The following PARVG variants were observed in gnomAD, a reference collection of about 807,000 sequenced individuals.
The protein encoded by PARVG is parvin gamma.
Under a neutral mutation model 44.4 loss-of-function variants are expected in PARVG, and 36 were observed. That is an observed-to-expected ratio of 0.81 (90% CI 0.62 to 1.07). The LOEUF (loss-of-function observed/expected upper bound fraction) is 1.07. PARVG is among the 50% of genes least tolerant of loss of function. The pLI, the probability that PARVG is intolerant of heterozygous loss-of-function variation, is 0.00. For missense variants in PARVG, 407 were observed against 407.4 expected, an observed-to-expected ratio of 1.00 and a Z score of 0.01; for synonymous variants, 170 against 174.1, an observed-to-expected ratio of 0.98 and a Z score of 0.19.
rs146574663 is a variant in PARVG at position 44,206,778 on chromosome 22, T to G, written c.*352T>G. The G allele has an allele frequency of 6.5e-3, 1,875 of 287,786 alleles. 43 individuals are homozygous for G. Among genetic ancestry groups the G allele is most frequent in the African/African-American group, 0.04 (1,772 of 43,810 alleles). 17.8% of individuals were successfully genotyped at this position (287,786 alleles called of 1,614,324 possible). A position where few individuals can be genotyped will look rare whatever the true frequency, so the allele number is the denominator to read the frequency against. On this transcript the variant is annotated 3_prime_UTR_variant, in exon 14 of 14. Transcript: ENST00000444313. ...CCAGGCTAGTGACCGCCCAGAGAGG[T>G]GGCATCACTCAGGGCTGGGGACTCT...
In PARVG at chr22:44,206,534, G is replaced by A. The variant is rs919855330; in HGVS notation, c.*108G>A. 1.6e-5 allele frequency: 15 copies of A among 924,956 alleles called. No homozygotes were observed. The highest frequency in any genetic ancestry group is 2.6e-4 in the Middle Eastern group (1 of 3,880). 57.3% of individuals were successfully genotyped at this position (924,956 alleles called of 1,614,324 possible). ...GCTGTTTCCTGTGCATTCGTGACCC[G>A]CTTCCCTCCCACCCTGTCTCCTGTC... On this transcript the variant is annotated 3_prime_UTR_variant, in exon 14 of 14. Transcript: ENST00000444313.
In PARVG at chr22:44,192,166, GT is replaced by G. The variant is rs2054557380; in HGVS notation, c.560+63del. On this transcript the variant is annotated intron_variant, in intron 8 of 13. Coordinates refer to ENST00000444313, the MANE Select transcript of PARVG (RefSeq NM_022141.7). Reference sequence around the variant, plus strand: ...GCTCACAGCGGTGGATGGGGGCAGGGTGGGGGCCAGGGCAGATCTGCCTGAC... The same window carrying G: ...GCTCACAGCGGTGGATGGGGGCAGGGGGGGGCCAGGGCAGATCTGCCTGAC... 4 of 1,559,340 alleles carry G rather than the reference GT, an allele frequency of 2.6e-6. No homozygotes were observed. The Admixed American group carries it at 6.8e-5, about 26-fold the overall frequency.
intron 9 of PARVG, among the ~76,000 whole-genome samples, chr22:44,195,473 C>G (rs1384775239): frequency 1.3e-5 from 2 of 152,186 alleles, no homozygotes; most frequent in Admixed American, 6.5e-5. Flanking sequence ...GGTATGTTAG[C>G]TGCAAATAGC....
chr22:44,178,715 A>G (rs891769364), upstream of PARVG, among the ~76,000 whole-genome samples: 3 of 152,190 alleles, frequency 2.0e-5, no homozygotes, highest in Admixed American at 6.5e-5. Context: ...GTTCTAGATT[A>G]CAGGGCTCTA....
intron 12 of PARVG, among the ~76,000 whole-genome samples, chr22:44,203,319 A>T (rs2147241069): frequency 6.6e-6 from 1 of 152,354 alleles, no homozygotes; most frequent in African/African-American, 2.4e-5. Context: ...GTGTTCTGTG[A>T]CAAATGGGTT....
At chr22:44,189,396 G>T in intron 6 of PARVG, 142 bp downstream of exon 6, 1 of 1,285,608 alleles carries the variant, frequency 7.8e-7, no homozygotes, top group Non-Finnish European at 1.1e-6. Flanking sequence ...GGAGGTAGAA[G>T]CCTCAGGCAG....
At chr22:44,190,816 C>A in intron 7 of PARVG, 150 bp downstream of exon 7, 1 of 699,056 alleles carries the variant, frequency 1.4e-6, no homozygotes, top group East Asian at 2.7e-5. Context: ...GCCAGGATGG[C>A]CAGGGGGTGC....
chr22:44,176,088 C>T (rs1171110941), upstream of PARVG, among the ~76,000 whole-genome samples: 1 of 152,146 alleles, frequency 6.6e-6, no homozygotes, highest in African/African-American at 2.4e-5. Flanking sequence ...CCCACAATCT[C>T]ATTCTTAAAA....
At chr22:44,177,995 G>A (rs540813127), upstream of PARVG, among the ~76,000 whole-genome samples, 2 of 152,142 alleles carry the variant, frequency 1.3e-5, no homozygotes, top group Non-Finnish European at 2.9e-5. Context: ...TTTCCATCAG[G>A]AATAACTAGA....
intron 3 of PARVG, chr22:44,183,844 T>C (rs2054422954): frequency 2.6e-6 from 1 of 390,104 alleles, no homozygotes; most frequent in African/African-American, 2.1e-5. Context: ...CCAAGGAGGG[T>C]GGTCCCAGAA....
In PARVG at chr22:44,182,040, C is replaced by T. The variant is rs1037421938; in HGVS notation, c.-13+123C>T. Reference sequence around the variant, plus strand: ...GCCCAGGCCACCCGGGGAAGGGAGTCGGTAAAGTGGGACCTTGAGTCCCCA... The same window carrying T: ...GCCCAGGCCACCCGGGGAAGGGAGTTGGTAAAGTGGGACCTTGAGTCCCCA... On this transcript the variant is annotated intron_variant, in intron 2 of 13. Coordinates refer to ENST00000444313, the MANE Select transcript of PARVG (RefSeq NM_022141.7). The surrounding 1 kb of genome is among the most constrained non-coding windows in gnomAD (Gnocchi z 4.6). The T allele has an allele frequency of 4.3e-5, 35 of 811,530 alleles. No individual in the cohort carries two copies. Among genetic ancestry groups the T allele is most frequent in the Non-Finnish European group, 4.9e-5 (33 of 671,462 alleles). 50.3% of individuals were successfully genotyped at this position (811,530 alleles called of 1,614,324 possible). A position where few individuals can be genotyped will look rare whatever the true frequency, so the allele number is the denominator to read the frequency against.
intron 5 of PARVG, 162 bp downstream of exon 5, chr22:44,188,040 G>A: frequency 1.4e-6 from 1 of 738,652 alleles, no homozygotes; most frequent in Non-Finnish European, 2.3e-6. Context: ...GGAGATGGAG[G>A]CGCTGTCCAC....
intron 5 of PARVG, 193 bp from the exon 6 acceptor site, chr22:44,188,921 T>TCTC: frequency 1.7e-5 from 11 of 653,670 alleles, no homozygotes; most frequent in South Asian, 5.8e-5. Context: ...TCTGTGTAGA[T>TCTC]GAGGGTCTCC....
intron 12 of PARVG, among the ~76,000 whole-genome samples, chr22:44,204,425 C>T (rs2054751552): frequency 6.6e-6 from 1 of 152,238 alleles, no homozygotes; most frequent in African/African-American, 2.4e-5. Context: ...AGATGAGGCA[C>T]CTGAGGCCCA....
intron 12 of PARVG, among the ~76,000 whole-genome samples, chr22:44,198,978 CCATCCATCCAT>C (rs2054666559): frequency 2.1e-5 from 3 of 144,980 alleles, no homozygotes; most frequent in Admixed American, 1.4e-4. Flanking sequence ...ATCCATCCAT[CCATCCATCCAT>C]CATCTACCTA....
Position 44,192,824 on chromosome 22 carries a change from G to A in PARVG, c.560+720G>A, listed in dbSNP as rs1186854443. Reference sequence around the variant, plus strand: ...GGCCATCTTGCTCCCCGCCCACTGGGAGCATGGCTGTCCTGCTCCCCATGG... The same window carrying A: ...GGCCATCTTGCTCCCCGCCCACTGGAAGCATGGCTGTCCTGCTCCCCATGG... On this transcript the variant is annotated intron_variant, in intron 8 of 13. Transcript: ENST00000444313. Among the ~76,000 whole-genome samples, 7 of 152,194 alleles carry A rather than the reference G, an allele frequency of 4.6e-5. No individual in the cohort carries two copies. The East Asian group carries it at 1.3e-3, about 29-fold the overall frequency.
Position 44,185,808 on chromosome 22 carries a change from G to C in PARVG, c.80G>C (p.Gly27Ala), listed in dbSNP as rs3842776. 1.2e-6 allele frequency: 2 copies of C among 1,613,178 alleles called. No individual in the cohort carries two copies. Among genetic ancestry groups the C allele is most frequent in the East Asian group, 4.5e-5 (2 of 44,822 alleles). ...CTTGTCATACCCACTCTGCTTCCAG[G>C]AGGAAAGAAGAAATACCTGCCACCC... ...EPPAEEELSK[G>A]GKKKYLPPTS... The change falls in exon 4 of 14, where the codon GGA becomes GCA. Residue 27 changes from glycine to alanine, a missense_variant and splice_region_variant. Coordinates refer to ENST00000444313, the MANE Select transcript of PARVG (RefSeq NM_022141.7).
chr22:44,179,492 C>T (rs1288203395), upstream of PARVG, among the ~76,000 whole-genome samples: 1 of 152,196 alleles, frequency 6.6e-6, no homozygotes, highest in Non-Finnish European at 1.5e-5. This position sits in a 1 kb window ranked among gnomAD's most constrained non-coding sequence, Gnocchi z 4.2. Flanking sequence ...ATAACAAGCT[C>T]ACCCCACAGT....
chr22:44,181,639 G>C lies in PARVG; in HGVS notation c.-188-103G>C, dbSNP rs60487160. On this transcript the variant is annotated intron_variant, in intron 1 of 13. Coordinates refer to ENST00000444313, the MANE Select transcript of PARVG (RefSeq NM_022141.7). Reference sequence around the variant, plus strand: ...TTTAAGTGGCCTGCAGAACCCCGGGGGCCCAGGCGGCACGGCGGGCGCTGG... The same window carrying C: ...TTTAAGTGGCCTGCAGAACCCCGGGCGCCCAGGCGGCACGGCGGGCGCTGG... 2,252 of 873,818 alleles carry C rather than the reference G, an allele frequency of 2.6e-3. 49 individuals are homozygous for C. The African/African-American group carries it at 0.039, about 15-fold the overall frequency. 54.1% of individuals were successfully genotyped at this position (873,818 alleles called of 1,614,324 possible).
Sources: allele counts gnomAD v4.1 joint callset (sites outside exome capture counted in the v4.1 genomes callset), GRCh38; gene constraint gnomAD v4.1.1; non-coding constraint Gnocchi (gnomAD v3.1); transcripts MANE v1.5; gene names NCBI Gene and HGNC (gene_info 2026-07-23, HGNC 2026-07-21).